BTK: variants seen among roughly 807,000 people sequenced by gnomAD.
The protein encoded by BTK is tyrosine-protein kinase BTK.
Under a neutral mutation model 57.4 loss-of-function variants are expected in BTK, and 5 were observed. That is an observed-to-expected ratio of 0.09 (90% CI 0.05 to 0.18). The LOEUF is 0.18. Among genes scored for constraint, BTK ranks in the 10% least tolerant of loss-of-function variants. BTK has a pLI of 1.00. For synonymous variants in BTK, 154 were observed against 174.3 expected, an observed-to-expected ratio of 0.88 and a Z score of 0.92; for missense variants, 194 against 501.2, an observed-to-expected ratio of 0.39 and a Z score of 5.85.
At chrX:101,353,070 T>TA (rs376521920) in intron 18 of BTK, 124 bp downstream of exon 18, 17,649 of 561,411 alleles carry the variant, frequency 0.031, no homozygotes, top group Non-Finnish European at 0.037. Context: ...TGTCTCAAAT[T>TA]AAAAAAAAAA....
In BTK at chrX:101,360,578, C is replaced by T. The variant is rs1300463468; in HGVS notation, c.766G>A (p.Asp256Asn). ...CTGGTGTGGACTCACCCATTTTTAT[C>T]TCGTGCTCTCCACCATGGTAAGTTG... The part of the protein sequence containing the change: ...ESNLPWWRAR[D>N]KNGQEGYIPS... Residue 256 changes from aspartate (D) to asparagine (N), a missense_variant, in exon 8 of 19, where the codon GAT (aspartate) becomes AAT (asparagine). By Grantham distance (23) the Asp-to-Asn change is conservative (BLOSUM62 1). Transcript: ENST00000308731. 1.7e-6 allele frequency: 2 copies of T among 1,209,769 alleles called. No homozygotes were observed. The highest frequency in any genetic ancestry group is 2.2e-6 in the Non-Finnish European group (2 of 895,180).
chrX:101,366,242 A>G (rs1390885905), intron 5 of BTK, among the ~76,000 whole-genome samples: 2 of 112,062 alleles, frequency 1.8e-5, no homozygotes, highest in African/African-American at 6.5e-5. Context: ...ACTGCACTCC[A>G]GCCTGCACGA....
chrX:101,380,127 G>T (rs966833646), intron 1 of BTK, among the ~76,000 whole-genome samples: 9 of 110,844 alleles, frequency 8.1e-5, no homozygotes, highest in African/African-American at 3.0e-4. Context: ...ATTTTTTTGA[G>T]ACAGGGTCTC....
chrX:101,375,915 G>A (rs1158440742), intron 1 of BTK, among the ~76,000 whole-genome samples: 1 of 111,583 alleles, frequency 9.0e-6, no homozygotes, highest in African/African-American at 3.3e-5. Context: ...CACTGACTGA[G>A]CTACAAAGGA....
chrX:101,355,282 A>G (rs1347212464), intron 15 of BTK, among the ~76,000 whole-genome samples: 1 of 112,035 alleles, frequency 8.9e-6, no homozygotes, highest in African/African-American at 3.2e-5. Flanking sequence ...ATCTCAAAAC[A>G]AAACAAAACA....
intron 1 of BTK, among the ~76,000 whole-genome samples, chrX:101,376,887 A>G (rs1927232185): frequency 1.8e-5 from 2 of 110,996 alleles, no homozygotes; most frequent in Admixed American, 1.9e-4. Flanking sequence ...GAATTTTATC[A>G]AAGCCTGGGG....
chrX:101,376,625 C>T (rs1927223066), intron 1 of BTK, among the ~76,000 whole-genome samples: 2 of 109,809 alleles, frequency 1.8e-5, no homozygotes, highest in South Asian at 7.8e-4. Context: ...GAAACTCCGT[C>T]TCAAAAAACA....
intron 1 of BTK, among the ~76,000 whole-genome samples, chrX:101,378,549 A>G (rs1555981377): frequency 9.0e-6 from 1 of 110,795 alleles, no homozygotes; most frequent in African/African-American, 3.3e-5. Flanking sequence ...ACACACACAC[A>G]CACACACACA....
At chrX:101,378,528 G>GACACACACACAC (rs72139259) in intron 1 of BTK, among the ~76,000 whole-genome samples, 119 of 95,386 alleles carry the variant, frequency 1.2e-3, no homozygotes, top group Middle Eastern at 5.4e-3. Context: ...CAAACATACA[G>GACACACACACAC]ACACACACAC....
intron 5 of BTK, among the ~76,000 whole-genome samples, chrX:101,368,985 G>GCCTTTTT (rs1926942072): frequency 8.9e-6 from 1 of 112,097 alleles, no homozygotes; most frequent in African/African-American, 3.2e-5. Flanking sequence ...TCTCTAGGCA[G>GCCTTTTT]CCTTTCCTGA....
chrX:101,362,899 T>C (rs1926719201), intron 5 of BTK: 5 of 475,418 alleles, frequency 1.1e-5, no homozygotes, highest in Non-Finnish European at 1.5e-5. Flanking sequence ...CAGTTTTCTT[T>C]AGTGGTCTGT....
intron 3 of BTK, 115 bp from the exon 4 acceptor site, chrX:101,371,816 G>C (rs1555980357): frequency 5.0e-6 from 3 of 603,931 alleles, no homozygotes; most frequent in African/African-American, 4.4e-5. Context: ...CACAGACAAG[G>C]CTGATTCTTA....
chrX:101,350,090 A>C, intron 18 of BTK, 134 bp from the exon 19 acceptor site: 1 of 87,157 alleles, frequency 1.1e-5, no homozygotes. Context: ...TTACAAAAGG[A>C]AAAAAAAAAA....
At position 101,360,650 on chromosome X, in the gene BTK, C is replaced by T; in HGVS notation, c.694G>A (p.Asp232Asn). The change falls in exon 8 of 19, where the codon GAT becomes AAT. Residue 232 changes from aspartate to asparagine, a missense_variant. Asp to Asn is a conservative substitution (Grantham distance 23). Around this residue, in one of 3 missense-constraint regions of BTK, gnomAD observed 115 missense variants for 258.3 expected, o/e 0.45. Transcript: ENST00000308731. ...TCATCACCCTTCCGCAGCTGTAGAT[C>T]ATTTGCATTCATTGGCATGTAATCA... is the stretch of plus-strand genomic sequence containing the variant. ...LYDYMPMNAN[D>N]LQLRKGDEYF... 1 of 1,211,244 alleles carries T rather than the reference C, an allele frequency of 8.3e-7. No individual in the cohort carries two copies. Among genetic ancestry groups the T allele is most frequent in the Non-Finnish European group, 1.1e-6 (1 of 895,283 alleles).
At chrX:101,385,277 G>C (rs782751801) in intron 1 of BTK, among the ~76,000 whole-genome samples, 2 of 111,695 alleles carry the variant, frequency 1.8e-5, no homozygotes, top group Non-Finnish European at 3.8e-5. Flanking sequence ...TGAGTGGGAA[G>C]AGGAGGAGGT....
upstream of BTK, among the ~76,000 whole-genome samples, chrX:101,389,320 G>A (rs1251724069): frequency 9.0e-6 from 1 of 111,488 alleles, no homozygotes; most frequent in Non-Finnish European, 1.9e-5. Context: ...CACCAGATAT[G>A]ATAGAAAGAA....
chrX:101,362,419 T>C (rs782737360), intron 6 of BTK, 142 bp downstream of exon 6: 13 of 1,013,177 alleles, frequency 1.3e-5, no homozygotes, highest in African/African-American at 1.9e-5. Context: ...TCAGCCCCCA[T>C]GTGCCTCCTC....
chrX:101,379,175 A>T (rs1387655902), intron 1 of BTK, among the ~76,000 whole-genome samples: 1 of 74,909 alleles, frequency 1.3e-5, no homozygotes, highest in Non-Finnish European at 2.4e-5. Flanking sequence ...AATAAAAAAT[A>T]AAAATAAAAA....
At chrX:101,357,131 C>T (rs1173657945) in intron 13 of BTK, among the ~76,000 whole-genome samples, 176 bp from the exon 14 acceptor site, 2 of 111,937 alleles carry the variant, frequency 1.8e-5, no homozygotes, top group African/African-American at 6.5e-5. Flanking sequence ...TTAGAGGAAT[C>T]TGGGAATTTT....
Sources: allele counts gnomAD v4.1 joint callset (sites outside exome capture counted in the v4.1 genomes callset), GRCh38; gene constraint gnomAD v4.1.1; regional missense constraint gnomAD v4.1.1; transcripts MANE v1.5; gene names NCBI Gene and HGNC (gene_info 2026-07-23, HGNC 2026-07-21).